The following CYSLTR1 variants were observed in gnomAD, a reference collection of about 807,000 sequenced individuals.
CYSLTR1 encodes G-protein coupled receptor HG55.
Under a neutral mutation model 2.1 loss-of-function variants are expected in CYSLTR1, and 1 was observed. The observed-to-expected ratio is 0.48, with a 90% CI of 0.17 to 2.28. The LOEUF is 2.28. Among genes scored for constraint, CYSLTR1 ranks in the 30% most tolerant of loss-of-function variants. The pLI is 0.26. For synonymous variants in CYSLTR1, 110 were observed against 89.6 expected, an observed-to-expected ratio of 1.23 and a Z score of -1.28; for missense variants, 299 against 250.1, an observed-to-expected ratio of 1.20 and a Z score of -1.32.
At chrX:78,309,703 ATC>A (rs1923151422) in intron 1 of CYSLTR1, among the ~76,000 whole-genome samples, 1 of 111,891 alleles carries the variant, frequency 8.9e-6, no homozygotes. Flanking sequence ...GGCTATAAAA[ATC>A]TCTGTTTGGG....
At chrX:78,294,629 G>A (rs916311881) in intron 1 of CYSLTR1, among the ~76,000 whole-genome samples, 1 of 112,751 alleles carries the variant, frequency 8.9e-6, no homozygotes, top group African/African-American at 3.2e-5. Flanking sequence ...GCTGCAGTGG[G>A]ATCTGCCCAG....
intron 1 of CYSLTR1, among the ~76,000 whole-genome samples, chrX:78,287,055 C>T (rs926990161): frequency 5.4e-5 from 6 of 111,446 alleles, no homozygotes; most frequent in African/African-American, 1.6e-4. Flanking sequence ...ATGTTCTGGA[C>T]ACAATACCTA....
chrX:78,298,619 T>A (rs1166307110), intron 1 of CYSLTR1, among the ~76,000 whole-genome samples: 3 of 111,902 alleles, frequency 2.7e-5, no homozygotes, highest in Non-Finnish European at 5.7e-5. Context: ...CCATTTAAGA[T>A]AATTTAGTGA....
At chrX:78,298,865 A>G (rs1327056932) in intron 1 of CYSLTR1, among the ~76,000 whole-genome samples, 1 of 111,283 alleles carries the variant, frequency 9.0e-6, no homozygotes, top group Non-Finnish European at 1.9e-5. Context: ...TTTAGTTCAT[A>G]TACATTCAAT....
intron 2 of CYSLTR1, among the ~76,000 whole-genome samples, chrX:78,278,207 CTCAG>C (rs1192387780): frequency 1.1e-4 from 12 of 111,620 alleles, no homozygotes; most frequent in African/African-American, 3.6e-4. Context: ...TCAGAAATAA[CTCAG>C]TCAGACAAAA....
At chrX:78,297,315 T>C (rs1416279421) in intron 1 of CYSLTR1, among the ~76,000 whole-genome samples, 1 of 111,742 alleles carries the variant, frequency 8.9e-6, no homozygotes, top group Non-Finnish European at 1.9e-5. Context: ...GATTTTTGCA[T>C]CAATACTCAT....
chrX:78,318,139 T>A (rs1923497714), intron 1 of CYSLTR1, among the ~76,000 whole-genome samples: 1 of 111,707 alleles, frequency 9.0e-6, no homozygotes, highest in South Asian at 3.7e-4. Flanking sequence ...TCAACCTACA[T>A]GCCCATCAAT....
intron 1 of CYSLTR1, among the ~76,000 whole-genome samples, chrX:78,289,975 C>A (rs1281779594): frequency 9.0e-6 from 1 of 111,639 alleles, no homozygotes; most frequent in Admixed American, 9.5e-5. Flanking sequence ...TAATTAGATC[C>A]CATTTGTCAA....
At chrX:78,314,019 G>A (rs1603411999) in intron 1 of CYSLTR1, among the ~76,000 whole-genome samples, 1 of 111,770 alleles carries the variant, frequency 8.9e-6, no homozygotes, top group East Asian at 2.8e-4. Flanking sequence ...CAGTATATGG[G>A]ATGTAGAAAA....
In CYSLTR1 at chrX:78,315,103, T is replaced by C. The variant is rs143037545; in HGVS notation, c.-115+12202A>G. 1.7e-3 allele frequency among the ~76,000 whole-genome samples: 179 copies of C among 106,830 alleles called. 1 individual carries two copies. The highest frequency in any genetic ancestry group is 5.5e-3 in the African/African-American group (160 of 29,277). 92.8% of individuals were successfully genotyped at this position (106,830 alleles called of 115,157 possible). A position where few individuals can be genotyped will look rare whatever the true frequency, so the allele number is the denominator to read the frequency against. ...ATCCATAGCAGGATAGGGCACCTGT[T>C]AGAGCTATGAGGCCCCCTTTCCAGG... On this transcript the variant is annotated intron_variant, in intron 1 of 2. Transcript: ENST00000373304.
At chrX:78,296,149 G>T (rs1922564648) in intron 1 of CYSLTR1, among the ~76,000 whole-genome samples, 1 of 111,539 alleles carries the variant, frequency 9.0e-6, no homozygotes, top group Non-Finnish European at 1.9e-5. Flanking sequence ...ATTTGTTGAA[G>T]AGTGTGTCTT....
At position 78,290,674 on chromosome X, in the gene CYSLTR1, C is replaced by T. The variant is rs149190207; in HGVS notation, c.-114-7134G>A. ...TTCTCCTTGAAGAGGTCCTTCACAT[C>T]CCTTGTAAGTTGGATTCCTAGGTAT... On this transcript the variant is annotated intron_variant, in intron 1 of 2. Coordinates refer to ENST00000373304, the MANE Select transcript of CYSLTR1 (RefSeq NM_006639.4). Among the ~76,000 whole-genome samples the T allele has an allele frequency of 1.4e-3, 160 of 111,591 alleles. 1 individual carries two copies. The East Asian group carries it at 0.042, about 30-fold the overall frequency.
At chrX:78,279,864 A>G (rs1921759517) in intron 2 of CYSLTR1, among the ~76,000 whole-genome samples, 1 of 111,899 alleles carries the variant, frequency 8.9e-6, no homozygotes, top group South Asian at 3.7e-4. Flanking sequence ...CAAATACTGC[A>G]TGTTCTCACT....
chrX:78,288,356 C>T (rs913832802), intron 1 of CYSLTR1, among the ~76,000 whole-genome samples: 2 of 112,211 alleles, frequency 1.8e-5, no homozygotes, highest in African/African-American at 6.5e-5. Context: ...AGTCCCCAGA[C>T]TGGTATCTTC....
At chrX:78,281,413 G>A (rs1252386706) in intron 2 of CYSLTR1, among the ~76,000 whole-genome samples, 1 of 110,263 alleles carries the variant, frequency 9.1e-6, no homozygotes, top group Non-Finnish European at 1.9e-5. Flanking sequence ...TACAGTTACA[G>A]GCGTGTGCCA....
At chrX:78,294,485 T>C (rs973598716) in intron 1 of CYSLTR1, among the ~76,000 whole-genome samples, 4 of 112,545 alleles carry the variant, frequency 3.6e-5, no homozygotes, top group Non-Finnish European at 3.8e-5. Flanking sequence ...TCAAACACCA[T>C]GCTGGGAGAA....
chrX:78,279,046 C>G (rs773981980), intron 2 of CYSLTR1, among the ~76,000 whole-genome samples: 1 of 111,862 alleles, frequency 8.9e-6, no homozygotes, highest in African/African-American at 3.2e-5. Context: ...CGACATAGTA[C>G]CTACCAAAGA....
intron 2 of CYSLTR1, among the ~76,000 whole-genome samples, 196 bp from the exon 3 acceptor site, chrX:78,273,969 T>G (rs189933477): frequency 1.6e-3 from 172 of 110,228 alleles, no homozygotes; most frequent in African/African-American, 5.4e-3. Flanking sequence ...CCAGAAAACT[T>G]TTTTTTTGTC....
chrX:78,294,440 C>G (rs188917636), intron 1 of CYSLTR1, among the ~76,000 whole-genome samples: 348 of 112,704 alleles, frequency 3.1e-3, no homozygotes, highest in African/African-American at 0.01. Context: ...GGTTCAGGGA[C>G]CCACTTGAGG....
Sources: allele counts gnomAD v4.1 joint callset (sites outside exome capture counted in the v4.1 genomes callset), GRCh38; gene constraint gnomAD v4.1.1; transcripts MANE v1.5; gene names NCBI Gene and HGNC (gene_info 2026-07-23, HGNC 2026-07-21).